Variants in MRPL1 observed in about 807,000 individuals in gnomAD.
The protein encoded by MRPL1 is large ribosomal subunit protein uL1m.
In MRPL1, 28 loss-of-function variants were observed where a neutral mutation model predicts 38.0. The observed-to-expected ratio is 0.74, with a 90% confidence interval of 0.55 to 1.01. The LOEUF (loss-of-function observed/expected upper bound fraction) is 1.01. MRPL1 is among the 50% of genes least tolerant of loss of function. The pLI, the probability that MRPL1 is intolerant of heterozygous loss-of-function variation, is 0.00. For missense variants in MRPL1, 358 were observed against 389.8 expected (o/e 0.92, Z 0.69); for synonymous variants, 123 against 126.7 (o/e 0.97, Z 0.20).
At chr4:77,878,247 G>C (rs1391971874) in intron 2 of MRPL1, among the ~76,000 whole-genome samples, 1 of 152,124 alleles carries the variant, frequency 6.6e-6, no homozygotes, top group Non-Finnish European at 1.5e-5. Context: ...CGTTGTTAAT[G>C]GTCTTTCCAG....
intron 7 of MRPL1, among the ~76,000 whole-genome samples, chr4:77,948,771 CTT>C (rs199944670): frequency 1.7e-4 from 24 of 139,032 alleles, no homozygotes; most frequent in Admixed American, 3.6e-4. Context: ...TCTTCTTCTT[CTT>C]TTTTTTTTTT....
intron 7 of MRPL1, among the ~76,000 whole-genome samples, chr4:77,924,872 A>G (rs1009482625): frequency 1.8e-4 from 28 of 152,194 alleles, no homozygotes; most frequent in African/African-American, 6.5e-4. Flanking sequence ...TTATATACCT[A>G]AGAAAGCCAT....
intron 7 of MRPL1, among the ~76,000 whole-genome samples, chr4:77,923,550 TTA>T (rs1185290213): frequency 6.6e-6 from 1 of 152,230 alleles, no homozygotes; most frequent in Non-Finnish European, 1.5e-5. Flanking sequence ...CTATTGTATA[TTA>T]TTGTTTTCCA....
At chr4:77,952,053 TGTTA>T (rs769898525) in intron 8 of MRPL1, among the ~76,000 whole-genome samples, 13 of 152,234 alleles carry the variant, frequency 8.5e-5, no homozygotes, top group Non-Finnish European at 1.5e-4. Context: ...CAACCATATT[TGTTA>T]GTTTGTTTTT....
chr4:77,918,324 A>G (rs1033368049), intron 7 of MRPL1, among the ~76,000 whole-genome samples: 1 of 152,168 alleles, frequency 6.6e-6, no homozygotes, highest in Non-Finnish European at 1.5e-5. Flanking sequence ...TTTTCTCCCA[A>G]GTTTAAATTG....
At chr4:77,940,541 C>T (rs1737097901) in intron 7 of MRPL1, among the ~76,000 whole-genome samples, 1 of 152,132 alleles carries the variant, frequency 6.6e-6, no homozygotes, top group Non-Finnish European at 1.5e-5. Context: ...TTTTCTTTCT[C>T]TTGTCTAATT....
chr4:77,947,968 A>T (rs1488064954), intron 7 of MRPL1, among the ~76,000 whole-genome samples: 1 of 152,166 alleles, frequency 6.6e-6, no homozygotes, highest in African/African-American at 2.4e-5. Flanking sequence ...AATCATTGAA[A>T]CCATCCTAAT....
chr4:77,893,317 T>C (rs923748918), intron 5 of MRPL1, among the ~76,000 whole-genome samples: 1 of 151,980 alleles, frequency 6.6e-6, no homozygotes, highest in African/African-American at 2.4e-5. Flanking sequence ...GGATTTTGCC[T>C]TGTTGCCCAG....
At chr4:77,946,544 C>T (rs1250958532) in intron 7 of MRPL1, among the ~76,000 whole-genome samples, 1 of 152,138 alleles carries the variant, frequency 6.6e-6, no homozygotes, top group Non-Finnish European at 1.5e-5. Flanking sequence ...GAAATCTTCA[C>T]AATTTATGTT....
At chr4:77,878,561 C>T (rs909707250) in intron 2 of MRPL1, among the ~76,000 whole-genome samples, 2 of 152,022 alleles carry the variant, frequency 1.3e-5, no homozygotes, top group Admixed American at 1.3e-4. Flanking sequence ...TTGAAGTGAA[C>T]TTTATTATAT....
chr4:77,947,417 A>G (rs1737296285), intron 7 of MRPL1, among the ~76,000 whole-genome samples: 1 of 152,230 alleles, frequency 6.6e-6, no homozygotes, highest in African/African-American at 2.4e-5. Flanking sequence ...TATGGTGCTT[A>G]ACATAGTCCT....
rs770258427 is a variant in MRPL1 at position 77,862,834 on chromosome 4, T to G, written c.-15T>G. On this transcript the variant is annotated 5_prime_UTR_variant, in exon 1 of 9. Transcript: ENST00000315567. ...CGTAGGAACAATTTCGTGAACGCAA[T>G]CCGGAGTGCCCAACATGGCGGCGGC... 6 of 1,613,950 alleles carry G rather than the reference T, an allele frequency of 3.7e-6. No homozygotes were observed. The highest frequency in any genetic ancestry group is 2.7e-5 in the African/African-American group (2 of 74,900).
At chr4:77,908,058 C>T (rs1483574703) in intron 6 of MRPL1, among the ~76,000 whole-genome samples, 2 of 151,386 alleles carry the variant, frequency 1.3e-5, no homozygotes, top group South Asian at 2.1e-4. Context: ...CCACCATGCC[C>T]GACTATAGAA....
At chr4:77,870,040 A>C (rs1735239099) in intron 1 of MRPL1, among the ~76,000 whole-genome samples, 1 of 151,932 alleles carries the variant, frequency 6.6e-6, no homozygotes, top group Admixed American at 6.6e-5. Context: ...AGCTGGGACT[A>C]CAGCTGTGCA....
At chr4:77,889,439 A>C (rs1280332365) in intron 5 of MRPL1, among the ~76,000 whole-genome samples, 7 of 152,154 alleles carry the variant, frequency 4.6e-5, no homozygotes, top group African/African-American at 1.7e-4. Context: ...CCAATGAGAA[A>C]AAAGACACAA....
intron 7 of MRPL1, among the ~76,000 whole-genome samples, chr4:77,942,717 G>T (rs536617245): frequency 6.6e-6 from 1 of 152,144 alleles, no homozygotes; most frequent in Non-Finnish European, 1.5e-5. Context: ...GTGTCCATTT[G>T]TATGGATTAA....
chr4:77,874,554 T>C (rs952719609), intron 2 of MRPL1, among the ~76,000 whole-genome samples: 21 of 152,180 alleles, frequency 1.4e-4, no homozygotes, highest in Admixed American at 2.6e-4. Context: ...GATGTGTGCA[T>C]TTATAATTTT....
intron 7 of MRPL1, among the ~76,000 whole-genome samples, chr4:77,916,748 G>A (rs1338614564): frequency 2.6e-5 from 4 of 152,068 alleles, no homozygotes; most frequent in African/African-American, 9.7e-5. Context: ...TTTAGTTTGT[G>A]TCCCGATTTT....
chr4:77,913,177 C>G (rs1006203314), intron 7 of MRPL1, among the ~76,000 whole-genome samples: 3 of 151,770 alleles, frequency 2.0e-5, no homozygotes, highest in African/African-American at 4.8e-5. Flanking sequence ...ATAAATCACC[C>G]TATAAAAATT....
Sources: gnomAD v4.1 joint callset for allele counts (sites outside exome capture counted in the v4.1 genomes callset) on GRCh38, gnomAD v4.1.1 for gene constraint, MANE v1.5 for transcripts, NCBI Gene and HGNC (gene_info 2026-07-23, HGNC 2026-07-21) for gene names.